The following TLN2 variants were observed in gnomAD, a reference collection of about 807,000 sequenced individuals.
TLN2 encodes the protein talin 2.
Under a neutral mutation model 294.7 loss-of-function variants are expected in TLN2, and 118 were observed. The ratio of observed to expected loss-of-function variants is 0.40; its 90% CI spans 0.34 to 0.47. The LOEUF (loss-of-function observed/expected upper bound fraction) is 0.47. TLN2 is among the 20% of genes least tolerant of loss of function. TLN2 has a pLI of 0.84. For missense variants in TLN2, 3,083 were observed against 3,282.2 expected, an observed-to-expected ratio of 0.94 and a Z score of 1.48; for synonymous variants, 1,431 against 1,304.5, an observed-to-expected ratio of 1.10 and a Z score of -2.09.
In TLN2 at chr15:62,549,568, G is replaced by A. The variant is rs796431826; in HGVS notation, c.-237-40119G>A. Among the ~76,000 whole-genome samples the A allele has an allele frequency of 1.6e-4, 25 of 152,190 alleles. 1 individual carries two copies. The highest frequency in any genetic ancestry group is 5.8e-4 in the African/African-American group (24 of 41,508). ...AAGAACTCTGCTGGCCACTAGAGGC[G>A]AAATCTAGGTATGGCACATGGTCCC... is the stretch of plus-strand genomic sequence containing the variant. On this transcript the variant is annotated intron_variant, in intron 1 of 58. Transcript: ENST00000636159.
chr15:62,392,377 T>C (rs2032170991), intron 1 of TLN2, among the ~76,000 whole-genome samples: 1 of 152,180 alleles, frequency 6.6e-6, no homozygotes, highest in Admixed American at 6.5e-5. Context: ...CTTGGAGAAG[T>C]GGTCCCCAAA....
At chr15:62,700,814 A>T (rs539204440) in intron 16 of TLN2, among the ~76,000 whole-genome samples, 49 of 152,220 alleles carry the variant, frequency 3.2e-4, no homozygotes, top group African/African-American at 1.1e-3. Flanking sequence ...TTTCACTTGA[A>T]TTTTTCTAAA....
At position 62,697,739 on chromosome 15, in the gene TLN2, C is replaced by T. The variant is rs769610197; in HGVS notation, c.1344C>T (p.Gly448=). ...ACCGGACCGGGAAGGCAGAGCACGG[C>T]TCAGTGGCGCTGCCGGCCGTGATGC... ...QFNRTGKAEH[G]SVALPAVMRS... is the part of the protein sequence containing the mutation. The change falls in exon 15 of 59, where the codon GGC becomes GGT. Residue 448 remains glycine (G), a synonymous_variant. Transcript: ENST00000636159. 10 of 1,611,808 alleles carry T rather than the reference C, an allele frequency of 6.2e-6. No homozygotes were observed. In the Admixed American group the frequency reaches 1.3e-4, roughly 22 times the overall value.
intron 1 of TLN2, among the ~76,000 whole-genome samples, chr15:62,408,718 A>AT (rs1343804922): frequency 6.6e-6 from 1 of 152,178 alleles, no homozygotes; most frequent in Non-Finnish European, 1.5e-5. Flanking sequence ...ATTACCTGTG[A>AT]TTAAGGTTAA....
intron 1 of TLN2, among the ~76,000 whole-genome samples, chr15:62,483,891 T>A (rs190952797): frequency 9.2e-5 from 14 of 152,326 alleles, no homozygotes; most frequent in African/African-American, 3.4e-4. Context: ...TGGATTACAT[T>A]TGGCAGCGTT....
chr15:62,798,379 C>G (rs2065675981), intron 48 of TLN2, among the ~76,000 whole-genome samples: 1 of 152,166 alleles, frequency 6.6e-6, no homozygotes. Context: ...AGGACAGTCA[C>G]CACAGTTTGC....
intron 1 of TLN2, among the ~76,000 whole-genome samples, chr15:62,450,216 A>C (rs1325987228): frequency 3.3e-5 from 5 of 152,028 alleles, no homozygotes; most frequent in African/African-American, 1.2e-4. Context: ...TTCTTCTCCC[A>C]CCAACCACTA....
At chr15:62,617,121 C>T (rs778835463) in intron 2 of TLN2, among the ~76,000 whole-genome samples, 15 of 152,050 alleles carry the variant, frequency 9.9e-5, no homozygotes, top group African/African-American at 2.4e-4. Flanking sequence ...TTGGACTGTC[C>T]GTTAAAAATC....
intron 28 of TLN2, among the ~76,000 whole-genome samples, chr15:62,731,950 A>G (rs1033536463): frequency 7.2e-5 from 11 of 152,226 alleles, no homozygotes; most frequent in Non-Finnish European, 4.4e-5. Flanking sequence ...CACAATAGGA[A>G]CACAAAGTTA....
chr15:62,428,016 G>C (rs1487171164), intron 1 of TLN2, among the ~76,000 whole-genome samples: 5 of 152,126 alleles, frequency 3.3e-5, no homozygotes, highest in Non-Finnish European at 5.9e-5. Flanking sequence ...GTCTGTAAGT[G>C]GGAGAAGACA....
intron 26 of TLN2, among the ~76,000 whole-genome samples, chr15:62,724,247 CCTT>C (rs1385252585): frequency 6.6e-6 from 1 of 152,148 alleles, no homozygotes; most frequent in Non-Finnish European, 1.5e-5. Flanking sequence ...GCCTCAGTTT[CCTT>C]CTTGAGTAAT....
In TLN2 at chr15:62,451,448, A is replaced by T. The variant is rs568993854; in HGVS notation, c.-238+60763A>T. 2.6e-5 allele frequency among the ~76,000 whole-genome samples: 4 copies of T among 152,292 alleles called. No individual in the cohort carries two copies. The South Asian group carries it at 8.3e-4, about 32-fold the overall frequency. On this transcript the variant is annotated intron_variant, in intron 1 of 58. Transcript: ENST00000636159. ...GAGGCGGGTGAATCACAAGGTCAGGAGATCTAGACCATCCTGGCTAACATG... is the reference window on the plus strand; with the variant it reads ...GAGGCGGGTGAATCACAAGGTCAGGTGATCTAGACCATCCTGGCTAACATG...
At chr15:62,794,017 G>C (rs977539707) in intron 46 of TLN2, among the ~76,000 whole-genome samples, 4 of 151,928 alleles carry the variant, frequency 2.6e-5, no homozygotes. Flanking sequence ...CTGGAGGAAG[G>C]CATTTGCCTT....
intron 1 of TLN2, among the ~76,000 whole-genome samples, chr15:62,506,616 T>C (rs1017167652): frequency 6.6e-6 from 1 of 152,232 alleles, no homozygotes; most frequent in Non-Finnish European, 1.5e-5. Context: ...AGTTTTAAAT[T>C]GCCAGTGTGT....
At chr15:62,694,692 C>T (rs1364434152) in intron 14 of TLN2, among the ~76,000 whole-genome samples, 1 of 152,082 alleles carries the variant, frequency 6.6e-6, no homozygotes, top group East Asian at 1.9e-4. Flanking sequence ...ATCTCATGAT[C>T]GAATCATGAT....
intron 54 of TLN2, among the ~76,000 whole-genome samples, chr15:62,824,434 C>G (rs774934726): frequency 1.3e-5 from 2 of 152,176 alleles, no homozygotes; most frequent in Admixed American, 1.3e-4. Flanking sequence ...AAGTTCATGT[C>G]AGGGTTTCAG....
chr15:62,804,879 C>T (rs566665252), intron 50 of TLN2, among the ~76,000 whole-genome samples: 2 of 150,936 alleles, frequency 1.3e-5, no homozygotes, highest in South Asian at 4.2e-4. Context: ...CGTGTAGGGA[C>T]AGAGGCACAT....
intron 1 of TLN2, among the ~76,000 whole-genome samples, chr15:62,400,879 A>G (rs1217561110): frequency 7.0e-6 from 1 of 142,372 alleles, no homozygotes; most frequent in South Asian, 2.2e-4. Flanking sequence ...GCAGTGGTGC[A>G]ATCTGGGCTC....
chr15:62,527,400 C>T (rs2040801683), intron 1 of TLN2, among the ~76,000 whole-genome samples: 1 of 152,164 alleles, frequency 6.6e-6, no homozygotes. Flanking sequence ...CTGTATTATG[C>T]TAAAGCAAAC....
Sources: gnomAD v4.1 joint callset for allele counts (sites outside exome capture counted in the v4.1 genomes callset) on GRCh38, gnomAD v4.1.1 for gene constraint, MANE v1.5 for transcripts, NCBI Gene and HGNC (gene_info 2026-07-23, HGNC 2026-07-21) for gene names.